ELF1: variants seen among roughly 807,000 people sequenced by gnomAD.
ELF1 encodes the protein ETS-related transcription factor Elf-1.
In ELF1, 24 loss-of-function variants were observed where a neutral mutation model predicts 59.9. The ratio of observed to expected loss-of-function variants is 0.40; its 90% CI spans 0.29 to 0.56. The LOEUF is 0.56. Among genes scored for constraint, ELF1 ranks in the 20% least tolerant of loss-of-function variants. The pLI, the probability that ELF1 is intolerant of heterozygous loss-of-function variation, is 0.44. For missense variants in ELF1, 627 were observed against 742.2 expected (o/e 0.84, Z 1.80); for synonymous variants, 248 against 266.2 (o/e 0.93, Z 0.67).
At chr13:40,958,572 G>T (rs542043338) in intron 3 of ELF1, among the ~76,000 whole-genome samples, 2 of 151,826 alleles carry the variant, frequency 1.3e-5, no homozygotes, top group Non-Finnish European at 2.9e-5. Context: ...ATGAATTGAG[G>T]TTTGGTTCCT....
intron 1 of ELF1, among the ~76,000 whole-genome samples, chr13:41,036,043 C>A (rs1391499760): frequency 6.6e-6 from 1 of 151,684 alleles, no homozygotes; most frequent in African/African-American, 2.4e-5. Flanking sequence ...TAGCTGGGAC[C>A]ACAGGTGCCC....
At chr13:41,035,642 T>C (rs536116250) in intron 1 of ELF1, among the ~76,000 whole-genome samples, 1 of 150,090 alleles carries the variant, frequency 6.7e-6, no homozygotes, top group African/African-American at 2.5e-5. Context: ...CCAGGGTCTA[T>C]ACCTCAACAC....
At chr13:40,999,359 A>C (rs1260503076) in intron 1 of ELF1, among the ~76,000 whole-genome samples, 1 of 3,970 alleles carries the variant, frequency 2.5e-4, no homozygotes, top group East Asian at 0.5. Flanking sequence ...AGGGGAAAGG[A>C]AAAGATAGTA....
chr13:40,986,257 C>T (rs763995498), intron 1 of ELF1, among the ~76,000 whole-genome samples: 9 of 152,178 alleles, frequency 5.9e-5, no homozygotes, highest in African/African-American at 1.2e-4. Context: ...AAGTTACTTG[C>T]TTGGTGTCTC....
intron 1 of ELF1, among the ~76,000 whole-genome samples, chr13:41,049,314 T>C (rs921631723): frequency 3.9e-5 from 6 of 152,212 alleles, no homozygotes; most frequent in Non-Finnish European, 5.9e-5. Context: ...CAGCTCACAA[T>C]GGTGGCCAAT....
At position 40,982,068 on chromosome 13, in the gene ELF1, C is replaced by T; in HGVS notation, c.-14G>A. ...AACAGCAGCCATAATAAAGCATTCC[C>T]CTTAGATCCACATGAGAAAAATTCC... On this transcript the variant is annotated 5_prime_UTR_variant, in exon 2 of 9. Transcript: ENST00000239882. 1 of 1,604,126 alleles carries T rather than the reference C, an allele frequency of 6.2e-7. No homozygotes were observed. The highest frequency in any genetic ancestry group is 8.5e-7 in the Non-Finnish European group (1 of 1,176,070).
chr13:40,993,304 T>A, intron 1 of ELF1: 1 of 1,540,976 alleles, frequency 6.5e-7, no homozygotes, highest in East Asian at 2.2e-5. Flanking sequence ...AGGTGTTCCT[T>A]CATTTTGGGA....
chr13:41,006,969 A>G, intron 1 of ELF1, among the ~76,000 whole-genome samples: 1 of 152,336 alleles, frequency 6.6e-6, no homozygotes, highest in South Asian at 2.1e-4. Flanking sequence ...TAAAATTTTG[A>G]ATAAACACAA....
At chr13:41,033,574 T>A (rs1876256126) in intron 1 of ELF1, among the ~76,000 whole-genome samples, 1 of 152,172 alleles carries the variant, frequency 6.6e-6, no homozygotes, top group South Asian at 2.1e-4. Context: ...CAGGCGAGCA[T>A]CACCACCTGA....
intron 8 of ELF1, among the ~76,000 whole-genome samples, chr13:40,936,629 C>T (rs557559570): frequency 6.7e-4 from 101 of 151,730 alleles, no homozygotes; most frequent in Admixed American, 5.1e-3. Flanking sequence ...GGTGTGGTGG[C>T]GGGCGCCTGT....
intron 2 of ELF1, among the ~76,000 whole-genome samples, chr13:40,976,136 G>C (rs1469825069): frequency 6.6e-6 from 1 of 152,178 alleles, no homozygotes; most frequent in Non-Finnish European, 1.5e-5. Flanking sequence ...ATATGCAACA[G>C]GTATGAATGT....
intron 1 of ELF1, among the ~76,000 whole-genome samples, chr13:41,042,126 G>GA (rs2138421527): frequency 6.6e-6 from 1 of 152,116 alleles, no homozygotes; most frequent in African/African-American, 2.4e-5. Flanking sequence ...AGGTTCAAGG[G>GA]ATCCTCCTAC....
In ELF1 at chr13:40,941,027, G is replaced by A. The variant is rs148475737; in HGVS notation, c.1150C>T (p.Arg384Trp). 28 of 1,614,038 alleles carry A rather than the reference G, an allele frequency of 1.7e-5. No individual in the cohort carries two copies. The highest frequency in any genetic ancestry group is 8.3e-5 in the Admixed American group (5 of 60,000). ...TQSPYPTQLF[R>W]TVHVVQPVQA... Reference sequence around the variant, plus strand: ...ACTGGCTGTACTACATGAACAGTCCGGAAGAGCTGGGTAGGATATGGAGAC... The same window carrying A: ...ACTGGCTGTACTACATGAACAGTCCAGAAGAGCTGGGTAGGATATGGAGAC... The change falls in exon 8 of 9, where the codon CGG becomes TGG. Residue 384 changes from arginine (R) to tryptophan (W), a missense_variant. Coordinates refer to ENST00000239882, the MANE Select transcript of ELF1 (RefSeq NM_172373.4).
intron 7 of ELF1, among the ~76,000 whole-genome samples, chr13:40,941,877 T>C (rs967609437): frequency 1.5e-4 from 23 of 152,260 alleles, no homozygotes; most frequent in Non-Finnish European, 2.8e-4. Flanking sequence ...CAGGCTGATC[T>C]GGAACTCCCA....
At chr13:40,971,391 G>T (rs1490334766) in intron 2 of ELF1, among the ~76,000 whole-genome samples, 1 of 152,018 alleles carries the variant, frequency 6.6e-6, no homozygotes, top group Non-Finnish European at 1.5e-5. Flanking sequence ...CTGAGTAGAT[G>T]GGACCACAGG....
At chr13:40,993,691 T>C (rs866807145) in intron 1 of ELF1, among the ~76,000 whole-genome samples, 1 of 152,000 alleles carries the variant, frequency 6.6e-6, no homozygotes, top group East Asian at 1.9e-4. Context: ...CATCATCTTG[T>C]TGAGGCTGAT....
intron 1 of ELF1, among the ~76,000 whole-genome samples, chr13:41,032,287 G>T (rs1406519821): frequency 1.3e-5 from 2 of 150,074 alleles, no homozygotes; most frequent in African/African-American, 2.5e-5. Flanking sequence ...GTGCGATCTC[G>T]GCTCACTGCA....
At chr13:40,946,909 G>A (rs1046094789) in intron 5 of ELF1, among the ~76,000 whole-genome samples, 1 of 152,148 alleles carries the variant, frequency 6.6e-6, no homozygotes, top group Non-Finnish European at 1.5e-5. Context: ...TGGCTGCAGA[G>A]GCTGACGGCC....
At chr13:40,942,871 G>A in intron 7 of ELF1, 81 bp downstream of exon 7, 1 of 1,360,238 alleles carries the variant, frequency 7.4e-7, no homozygotes, top group Non-Finnish European at 9.7e-7. Context: ...TTGGTGCTTT[G>A]CTGAACTTAA....
Sources: gnomAD v4.1 joint callset for allele counts (sites outside exome capture counted in the v4.1 genomes callset) on GRCh38, gnomAD v4.1.1 for gene constraint, MANE v1.5 for transcripts, NCBI Gene and HGNC (gene_info 2026-07-23, HGNC 2026-07-21) for gene names.